SENP7: variants seen among roughly 807,000 people sequenced by gnomAD.
The protein encoded by SENP7 is sentrin-specific protease 7.
In SENP7, 64 loss-of-function variants were observed where a neutral mutation model predicts 141.2. The ratio of observed to expected loss-of-function variants is 0.45; its 90% CI spans 0.37 to 0.56. The LOEUF (loss-of-function observed/expected upper bound fraction) is 0.56. SENP7 is among the 20% of genes least tolerant of loss of function. SENP7 has a pLI of 0.00. For missense variants in SENP7, 1,025 were observed against 1,212.2 expected, an observed-to-expected ratio of 0.85 and a Z score of 2.29; for synonymous variants, 382 against 426.4, an observed-to-expected ratio of 0.90 and a Z score of 1.28.
chr3:101,509,866 C>T (rs944834938), intron 1 of SENP7, among the ~76,000 whole-genome samples: 11 of 152,164 alleles, frequency 7.2e-5, no homozygotes, highest in Non-Finnish European at 1.5e-4. Context: ...CCCTAAATCC[C>T]GGTTTTCTCA....
chr3:101,443,851 C>T (rs1370683186), intron 4 of SENP7, among the ~76,000 whole-genome samples: 2 of 148,268 alleles, frequency 1.3e-5, no homozygotes, highest in Admixed American at 6.8e-5. Flanking sequence ...TGGGCTGAGA[C>T]GATGGGGTTT....
At chr3:101,379,977 T>C (rs2060448630) in intron 6 of SENP7, among the ~76,000 whole-genome samples, 1 of 152,204 alleles carries the variant, frequency 6.6e-6, no homozygotes, top group Admixed American at 6.5e-5. Flanking sequence ...TAAAATGGAA[T>C]ATAGTCAGCC....
chr3:101,394,298 A>C lies in SENP7; in HGVS notation c.677+4563T>G, dbSNP rs558414568. 4.6e-5 allele frequency among the ~76,000 whole-genome samples: 7 copies of C among 152,250 alleles called. No individual in the cohort carries two copies. In the East Asian group the frequency reaches 1.4e-3, roughly 29 times the overall value. ...AGGATTTCATTCTTTTTTATGGCTG[A>C]ATGGTATTCCATTGTGTATACAGAC... On this transcript the variant is annotated intron_variant, in intron 6 of 23. Transcript: ENST00000394095.
intron 3 of SENP7, among the ~76,000 whole-genome samples, chr3:101,464,555 T>C (rs760048220): frequency 6.6e-6 from 1 of 152,116 alleles, no homozygotes; most frequent in Non-Finnish European, 1.5e-5. Context: ...GAGAATCTAA[T>C]GACTGATGAT....
chr3:101,327,647 T>G lies in SENP7; in HGVS notation c.3015+19A>C, dbSNP rs1427252946. The G allele has an allele frequency of 6.3e-7, 1 of 1,575,936 alleles. No individual in the cohort carries two copies. Reference sequence around the variant, plus strand: ...TGGTGGTAACTGTGAATTAAAAACTTATTTATAGCTTCACATACCTTGAAG... The same window carrying G: ...TGGTGGTAACTGTGAATTAAAAACTGATTTATAGCTTCACATACCTTGAAG... On this transcript the variant is annotated intron_variant, in intron 23 of 23. Coordinates refer to ENST00000394095, the MANE Select transcript of SENP7 (RefSeq NM_020654.5).
chr3:101,373,298 C>T (rs1042731774), intron 6 of SENP7, among the ~76,000 whole-genome samples: 2 of 152,058 alleles, frequency 1.3e-5, no homozygotes, highest in Non-Finnish European at 1.5e-5. Context: ...CATTCCACTC[C>T]TCAACCCTCA....
rs1033842672 is a variant in SENP7, at chr3:101,492,006, C to T, written c.186+1867G>A. On this transcript the variant is annotated intron_variant, in intron 3 of 23. Coordinates refer to ENST00000394095, the MANE Select transcript of SENP7 (RefSeq NM_020654.5). ...ACTGGGGAGGCTGAGGCAGGAGAAT[C>T]GCTTGAACCCGGAAGGCAGAGGTTG... Among the ~76,000 whole-genome samples the T allele has an allele frequency of 4.6e-5, 7 of 152,128 alleles. 1 individual carries two copies. The highest frequency in any genetic ancestry group is 6.8e-3 in the Middle Eastern group (2 of 294).
intron 2 of SENP7, 50 bp from the exon 3 acceptor site, chr3:101,494,018 G>A (rs780087477): frequency 8.9e-7 from 1 of 1,124,392 alleles, no homozygotes; most frequent in Non-Finnish European, 1.3e-6. Context: ...ATATACAAGA[G>A]CTAATTCAGC....
rs114577759 is a variant in SENP7 at position 101,336,422 on chromosome 3, T to C, written c.2480+1087A>G. Among the ~76,000 whole-genome samples, 881 of 152,302 alleles carry C rather than the reference T, an allele frequency of 5.8e-3. 6 individuals are homozygous for C. The highest frequency in any genetic ancestry group is 0.02 in the African/African-American group (848 of 41,572). ...AAGCAATCTAGTACAATAAAAACTT[T>C]GGACTAGAAGTTAAAAGGTAAAGAT... On this transcript the variant is annotated intron_variant, in intron 17 of 23. Transcript: ENST00000394095.
intron 5 of SENP7, among the ~76,000 whole-genome samples, chr3:101,399,786 C>G (rs923863540): frequency 6.6e-6 from 1 of 152,168 alleles, no homozygotes; most frequent in Non-Finnish European, 1.5e-5. Context: ...CCACCACGCC[C>G]AGGTAACTTT....
intron 5 of SENP7, among the ~76,000 whole-genome samples, chr3:101,404,948 C>T (rs1357138652): frequency 6.6e-6 from 1 of 152,204 alleles, no homozygotes; most frequent in Non-Finnish European, 1.5e-5. Flanking sequence ...AGAGGCCTGG[C>T]ACAGGCGTTC....
intron 7 of SENP7, 52 bp from the exon 8 acceptor site, chr3:101,368,063 T>G: frequency 6.9e-7 from 1 of 1,445,734 alleles, no homozygotes; most frequent in African/African-American, 1.4e-5. Flanking sequence ...AGAGAGAATC[T>G]CTTTTAGAAA....
chr3:101,406,830 G>C (rs994953965), intron 5 of SENP7, among the ~76,000 whole-genome samples: 2 of 152,214 alleles, frequency 1.3e-5, no homozygotes, highest in Middle Eastern at 3.4e-3. Flanking sequence ...AAAAGCACCA[G>C]GTAACCTGTA....
At chr3:101,380,172 G>A (rs1000967400) in intron 6 of SENP7, among the ~76,000 whole-genome samples, 1 of 152,142 alleles carries the variant, frequency 6.6e-6, no homozygotes, top group Non-Finnish European at 1.5e-5. Flanking sequence ...TTTAGGGGGA[G>A]AGAGGAATGA....
chr3:101,444,598 T>C (rs142357197), intron 4 of SENP7, among the ~76,000 whole-genome samples: 14,231 of 152,030 alleles, frequency 0.094, 790 homozygotes, highest in African/African-American at 0.15. Context: ...TGTAGGGACA[T>C]GGATGAAATT....
chr3:101,512,278 C>T (rs1306920060), intron 1 of SENP7, among the ~76,000 whole-genome samples: 1 of 152,176 alleles, frequency 6.6e-6, no homozygotes, highest in African/African-American at 2.4e-5. Context: ...TAGGACTTAA[C>T]ACAAGGACTT....
Position 101,501,192 on chromosome 3 carries a change from T to C in SENP7, c.41-73A>G, listed in dbSNP as rs2065364185. ...GAGATAAACAGTTTGACAAAGGAGATTCTTTCACATTCATCCTTTGTTTTA... is the reference window on the plus strand; with the variant it reads ...GAGATAAACAGTTTGACAAAGGAGACTCTTTCACATTCATCCTTTGTTTTA... On this transcript the variant is annotated intron_variant, in intron 1 of 23. Coordinates refer to ENST00000394095, the MANE Select transcript of SENP7 (RefSeq NM_020654.5). 6 of 953,714 alleles carry C rather than the reference T, an allele frequency of 6.3e-6. No individual in the cohort carries two copies. In the East Asian group the frequency reaches 1.2e-4, roughly 20 times the overall value. 59.1% of individuals were successfully genotyped at this position (953,714 alleles called of 1,614,324 possible).
intron 3 of SENP7, among the ~76,000 whole-genome samples, chr3:101,482,573 T>TTA (rs1361041221): frequency 2.0e-5 from 3 of 152,066 alleles, no homozygotes; most frequent in African/African-American, 7.2e-5. Flanking sequence ...ACTAGAAAGT[T>TTA]TATAGAGAAG....
chr3:101,402,422 G>A (rs904592012), intron 5 of SENP7, among the ~76,000 whole-genome samples: 23 of 151,866 alleles, frequency 1.5e-4, no homozygotes, highest in Non-Finnish European at 2.6e-4. Context: ...TCAGGAGTTC[G>A]AGACCAGCCT....
Sources: allele counts gnomAD v4.1 joint callset (sites outside exome capture counted in the v4.1 genomes callset), GRCh38; gene constraint gnomAD v4.1.1; transcripts MANE v1.5; gene names NCBI Gene and HGNC (gene_info 2026-07-23, HGNC 2026-07-21).